Variants in FMNL1 observed in about 807,000 individuals in gnomAD.
The protein encoded by FMNL1 is formin like 1, also known as formin-like protein 1.
A neutral mutation model predicts 121.3 loss-of-function variants in FMNL1; 43 were observed. That is an observed-to-expected ratio of 0.35 (90% CI 0.28 to 0.46). The LOEUF (loss-of-function observed/expected upper bound fraction) is 0.46, where lower values mean the gene tolerates loss of function less well. Among genes scored for constraint, FMNL1 ranks in the 20% least tolerant of loss-of-function variants. The probability of loss-of-function intolerance (pLI) is 1.00; values close to 1 mark genes in which losing one functional copy is unlikely to be tolerated. For missense variants in FMNL1, 1,191 were observed against 1,482.4 expected (o/e 0.80, Z 3.23); for synonymous variants, 613 against 613.5 (o/e 1.00, Z 0.01).
intron 17 of FMNL1, 148 bp downstream of exon 17, chr17:45,243,468 A>G: frequency 9.9e-7 from 1 of 1,008,586 alleles, no homozygotes; most frequent in Non-Finnish European, 1.4e-6. Context: ...TCCCCATTTT[A>G]AGGTGGAGAA....
At chr17:45,240,336 T>C in intron 11 of FMNL1, 140 bp from the exon 12 acceptor site, 1 of 821,600 alleles carries the variant, frequency 1.2e-6, no homozygotes, top group Non-Finnish European at 1.8e-6. Context: ...TTGTGAATTA[T>C]ATATTAAAAA....
intron 1 of FMNL1, among the ~76,000 whole-genome samples, chr17:45,229,605 G>A (rs2043398449): frequency 6.6e-6 from 1 of 152,218 alleles, no homozygotes; most frequent in Admixed American, 6.5e-5. Flanking sequence ...ATAACCTGGG[G>A]TTTACTAAAT....
intron 11 of FMNL1, 129 bp from the exon 12 acceptor site, chr17:45,240,347 A>G (rs2043656741): frequency 1.1e-6 from 1 of 948,878 alleles, no homozygotes. Context: ...ATATTAAAAA[A>G]TAAAGAAAAA....
In FMNL1 at chr17:45,245,748, G is replaced by A; in HGVS notation, c.2994+15G>A. On this transcript the variant is annotated intron_variant, in intron 23 of 26. Coordinates refer to ENST00000331495, the MANE Select transcript of FMNL1 (RefSeq NM_005892.4). ...AGGCCTACAAGGTATTCGGGTCTGG[G>A]GCAGGCTGGGAGCCCTGTAGGGCAC... 1 of 1,613,984 alleles carries A rather than the reference G, an allele frequency of 6.2e-7. No individual in the cohort carries two copies. The highest frequency in any genetic ancestry group is 8.5e-7 in the Non-Finnish European group (1 of 1,179,894).
chr17:45,243,309 A>T lies in FMNL1; in HGVS notation c.2202A>T (p.Gln734His), dbSNP rs1180352819. Residue 734 changes from glutamine (Q) to histidine (H), a missense_variant, in exon 17 of 27, where the codon CAA becomes CAT. Gln to His is a conservative substitution (Grantham distance 24, BLOSUM62 0). Around this residue, in one of 4 missense-constraint regions of FMNL1, gnomAD observed 367 missense variants for 528.6 expected, o/e 0.69. Coordinates refer to ENST00000331495, the MANE Select transcript of FMNL1 (RefSeq NM_005892.4). ...KGNLGAERIC[Q>H]AIEAYDLQAL... ...ACCTGGGGGCCGAGCGCATCTGCCA[A>T]GCCATTGAGGCGTGAGTGTCCCTGT... The T allele has an allele frequency of 1.2e-6, 2 of 1,613,422 alleles. No homozygotes were observed. Among genetic ancestry groups the T allele is most frequent in the South Asian group, 1.1e-5 (1 of 91,062 alleles).
rs1226460594 is a variant in FMNL1 at position 45,241,909 on chromosome 17, G to T, written c.1648G>T (p.Gly550Cys). ...GCCACCGCCGCCGCCCCCACTGCCC[G>T]GCCTCCCCTCCCCGCAGGAAGCCCC... is the stretch of plus-strand genomic sequence containing the variant. ...AAPPPPPPLP[G>C]LPSPQEAPPS... Residue 550 changes from glycine to cysteine, a missense_variant, in exon 15 of 27, where the codon GGC becomes TGC. This residue lies in a region of FMNL1 where 519 missense variants were observed against 492.8 expected (regional missense o/e 1.05). Transcript: ENST00000331495. The surrounding 1 kb of genome is among the most constrained non-coding windows in gnomAD (Gnocchi z 7.0). 2.8e-5 allele frequency: 39 copies of T among 1,390,590 alleles called. No homozygotes were observed. Among genetic ancestry groups the T allele is most frequent in the Non-Finnish European group, 3.3e-5 (36 of 1,081,210 alleles). The allele number at this position is 1,390,590 out of a possible 1,614,324, so 86.1% of individuals were successfully genotyped here.
At chr17:45,232,051 G>A (rs946771540) in intron 2 of FMNL1, among the ~76,000 whole-genome samples, 7 of 152,160 alleles carry the variant, frequency 4.6e-5, no homozygotes, top group South Asian at 2.1e-4. Context: ...GTGCACACCC[G>A]TAGTCCCAGC....
intron 3 of FMNL1, chr17:45,232,864 T>C: frequency 1.8e-6 from 1 of 547,828 alleles, no homozygotes; most frequent in Non-Finnish European, 3.5e-6. Flanking sequence ...TGTGTGTCCA[T>C]GTATGGATGT....
chr17:45,233,795 C>T lies in FMNL1; in HGVS notation c.485+64C>T. Reference sequence around the variant, plus strand: ...AGCTTTGATCCCCGTCTCCCTGCATCTCACCCACTCCCCTGGCCAGTTTCA... The same window carrying T: ...AGCTTTGATCCCCGTCTCCCTGCATTTCACCCACTCCCCTGGCCAGTTTCA... On this transcript the variant is annotated intron_variant, in intron 5 of 26. Transcript: ENST00000331495. The surrounding 1 kb of genome is among the most constrained non-coding windows in gnomAD (Gnocchi z 4.1). The T allele has an allele frequency of 6.3e-7, 1 of 1,588,656 alleles. No homozygotes were observed. Among genetic ancestry groups the T allele is most frequent in the Non-Finnish European group, 8.6e-7 (1 of 1,164,764 alleles).
Position 45,241,768 on chromosome 17 carries a change from A to AGCGGAGAG in FMNL1, c.1586-69_1586-62dup, listed in dbSNP as rs2043702861. 4.2e-6 allele frequency: 6 copies of AGCGGAGAG among 1,413,534 alleles called. No individual in the cohort carries two copies. The Admixed American group carries it at 9.2e-5, about 22-fold the overall frequency. The allele number at this position is 1,413,534 out of a possible 1,614,324, so 87.6% of individuals were successfully genotyped here. Reference sequence around the variant, plus strand: ...GGCTCAGGTAGGAGCGCATGCGTAGAGCGGAGAGGCGGAGAGGGGCCCACC... The same window carrying AGCGGAGAG: ...GGCTCAGGTAGGAGCGCATGCGTAGAGCGGAGAGGCGGAGAGGCGGAGAGGGGCCCACC... On this transcript the variant is annotated intron_variant, in intron 14 of 26. Coordinates refer to ENST00000331495, the MANE Select transcript of FMNL1 (RefSeq NM_005892.4). This position sits in a 1 kb window ranked among gnomAD's most constrained non-coding sequence, Gnocchi z 7.0.
intron 10 of FMNL1, 68 bp from the exon 11 acceptor site, chr17:45,238,887 T>C: frequency 1.5e-6 from 2 of 1,351,264 alleles, no homozygotes; most frequent in Non-Finnish European, 2.1e-6. Flanking sequence ...TTGGGGTAAG[T>C]GGAGGTGGAA....
At chr17:45,245,440 G>A (rs41280086) in intron 22 of FMNL1, 24 bp downstream of exon 22, 1 of 1,613,926 alleles carries the variant, frequency 6.2e-7, no homozygotes, top group East Asian at 2.2e-5. Context: ...GGCCTCACCT[G>A]GAGGTGGGGC....
chr17:45,231,820 G>A lies in FMNL1; in HGVS notation c.214-547G>A, dbSNP rs553483811. ...TCCCCTTCACGAGGCACCTCCAGCCGTCCTTCCCCGCCGTATGCCAGCTCT... is the reference window on the plus strand; with the variant it reads ...TCCCCTTCACGAGGCACCTCCAGCCATCCTTCCCCGCCGTATGCCAGCTCT... On this transcript the variant is annotated intron_variant, in intron 2 of 26. Transcript: ENST00000331495. The surrounding 1 kb of genome is among the most constrained non-coding windows in gnomAD (Gnocchi z 4.7). 2.0e-5 allele frequency among the ~76,000 whole-genome samples: 3 copies of A among 152,242 alleles called. No homozygotes were observed. Among genetic ancestry groups the A allele is most frequent in the East Asian group, 1.9e-4 (1 of 5,168 alleles).
rs201457019 is a variant in FMNL1 at position 45,244,987 on chromosome 17, G to A, written c.2607G>A (p.Glu869=). ...AATGGGTCCTTGTGCAGCTGTTGGA[G>A]ATGAAGTCGACTGATCGCAAGCAGA... ...FRLQSLDALL[E]MKSTDRKQTL... Residue 869 remains glutamate, a synonymous_variant, in exon 21 of 27, where the codon GAG becomes GAA. Transcript: ENST00000331495. The A allele has an allele frequency of 1.2e-6, 2 of 1,613,530 alleles. No individual in the cohort carries two copies. Among genetic ancestry groups the A allele is most frequent in the Non-Finnish European group, 1.7e-6 (2 of 1,179,494 alleles).
intron 1 of FMNL1, among the ~76,000 whole-genome samples, chr17:45,228,379 C>G (rs895995344): frequency 1.3e-5 from 2 of 152,198 alleles, no homozygotes; most frequent in African/African-American, 4.8e-5. Flanking sequence ...GCTCCAGGCC[C>G]CAGCAGAGGC....
chr17:45,241,763 C>A lies in FMNL1; in HGVS notation c.1586-84C>A. ...GGCTCGGCTCAGGTAGGAGCGCATG[C>A]GTAGAGCGGAGAGGCGGAGAGGGGC... On this transcript the variant is annotated intron_variant, in intron 14 of 26. Coordinates refer to ENST00000331495, the MANE Select transcript of FMNL1 (RefSeq NM_005892.4). This position sits in a 1 kb window ranked among gnomAD's most constrained non-coding sequence, Gnocchi z 7.0. 1 of 1,419,166 alleles carries A rather than the reference C, an allele frequency of 7.0e-7. No individual in the cohort carries two copies. The highest frequency in any genetic ancestry group is 1.5e-5 in the South Asian group (1 of 66,026). The allele number at this position is 1,419,166 out of a possible 1,614,324, so 87.9% of individuals were successfully genotyped here.
At chr17:45,240,449 AC>A in intron 11 of FMNL1, 26 bp from the exon 12 acceptor site, 2 of 1,594,470 alleles carry the variant, frequency 1.3e-6, no homozygotes, top group African/African-American at 1.3e-5. Context: ...ACCAGGCCTC[AC>A]CCCACTCCTT....
chr17:45,233,868 C>G lies in FMNL1; in HGVS notation c.485+137C>G. ...CTGGAACCCTCCACTTGGCCTTGAG[C>G]GATGCTCCTTCCAGAAGGCCTGCCC... On this transcript the variant is annotated intron_variant, in intron 5 of 26. Coordinates refer to ENST00000331495, the MANE Select transcript of FMNL1 (RefSeq NM_005892.4). This position sits in a 1 kb window ranked among gnomAD's most constrained non-coding sequence, Gnocchi z 4.1. 7.4e-7 allele frequency: 1 copy of G among 1,352,550 alleles called. No individual in the cohort carries two copies. The highest frequency in any genetic ancestry group is 1.4e-5 in the South Asian group (1 of 72,300). The allele number at this position is 1,352,550 out of a possible 1,614,324, so 83.8% of individuals were successfully genotyped here. A position where few individuals can be genotyped will look rare whatever the true frequency, so the allele number is the denominator to read the frequency against.
rs2043446286 is a variant in FMNL1 at position 45,231,913 on chromosome 17, A to G, written c.214-454A>G. ...CCCACCCCAGGGCGGGGCCTACGGC[A>G]GGACTGACCCCTGCATAGTCCACCC... On this transcript the variant is annotated intron_variant, in intron 2 of 26. Transcript: ENST00000331495. This position sits in a 1 kb window ranked among gnomAD's most constrained non-coding sequence, Gnocchi z 4.7. Among the ~76,000 whole-genome samples the G allele has an allele frequency of 6.6e-6, 1 of 152,198 alleles. No homozygotes were observed. Among genetic ancestry groups the G allele is most frequent in the African/African-American group, 2.4e-5 (1 of 41,440 alleles).
Sources: allele counts gnomAD v4.1 joint callset (sites outside exome capture counted in the v4.1 genomes callset), GRCh38; gene constraint gnomAD v4.1.1; regional missense constraint gnomAD v4.1.1; non-coding constraint Gnocchi (gnomAD v3.1); transcripts MANE v1.5; gene names NCBI Gene and HGNC (gene_info 2026-07-23, HGNC 2026-07-21).